The following GPC6 variants were observed in gnomAD, a reference collection of about 807,000 sequenced individuals.
GPC6 encodes glypican 6, also known as glypican-6.
A neutral mutation model predicts 55.2 loss-of-function variants in GPC6; 14 were observed. The ratio of observed to expected loss-of-function variants is 0.25; its 90% CI spans 0.17 to 0.40. GPC6 has a LOEUF of 0.40. Among genes scored for constraint, GPC6 ranks in the 10% least tolerant of loss-of-function variants. The probability of loss-of-function intolerance (pLI) is 1.00; values close to 1 mark genes in which losing one functional copy is unlikely to be tolerated. For synonymous variants in GPC6, 278 were observed against 259.6 expected, an observed-to-expected ratio of 1.07 and a Z score of -0.68; for missense variants, 641 against 708.5, an observed-to-expected ratio of 0.90 and a Z score of 1.08.
intron 2 of GPC6, among the ~76,000 whole-genome samples, chr13:93,790,586 C>A (rs1885999809): frequency 6.6e-6 from 1 of 152,072 alleles, no homozygotes; most frequent in African/African-American, 2.4e-5. Context: ...ATAGATGATA[C>A]CATACCTCCA....
At chr13:93,660,462 G>A (rs367983917) in intron 2 of GPC6, among the ~76,000 whole-genome samples, 1 of 152,220 alleles carries the variant, frequency 6.6e-6, no homozygotes, top group South Asian at 2.1e-4. Flanking sequence ...TCTGAATGTA[G>A]TAAAACCTGA....
In GPC6 at chr13:94,114,056, T is replaced by G. The variant is rs151097232; in HGVS notation, c.877+86162T>G. 3.1e-3 allele frequency among the ~76,000 whole-genome samples: 338 copies of G among 107,356 alleles called. 7 individuals carry two copies. The highest frequency in any genetic ancestry group is 0.012 in the African/African-American group (329 of 27,834). The allele number at this position is 107,356 out of a possible 152,430, so 70.4% of individuals were successfully genotyped here. A position where few individuals can be genotyped will look rare whatever the true frequency, so the allele number is the denominator to read the frequency against. ...AAAAAGCCCAGTGACTATTACCCAT[T>G]CACCCATTCATAGAACTAAGGTTTT... On this transcript the variant is annotated intron_variant, in intron 4 of 8. Transcript: ENST00000377047.
chr13:93,862,417 G>A (rs1888843648), intron 3 of GPC6, among the ~76,000 whole-genome samples: 2 of 151,234 alleles, frequency 1.3e-5, no homozygotes, highest in African/African-American at 2.4e-5. Context: ...TTACATCGGG[G>A]GCTACTGGAG....
At chr13:93,445,410 T>G (rs1321684160) in intron 1 of GPC6, among the ~76,000 whole-genome samples, 1 of 152,192 alleles carries the variant, frequency 6.6e-6, no homozygotes, top group African/African-American at 2.4e-5. Flanking sequence ...TGTATTAAAC[T>G]AAATTGCAAT....
At chr13:93,268,742 C>T (rs932723434) in intron 1 of GPC6, among the ~76,000 whole-genome samples, 7 of 152,086 alleles carry the variant, frequency 4.6e-5, no homozygotes. Context: ...TTCAGAATGT[C>T]ATTCCCCTGG....
intron 6 of GPC6, among the ~76,000 whole-genome samples, chr13:94,379,039 T>G (rs1028435023): frequency 1.3e-5 from 2 of 152,014 alleles, no homozygotes; most frequent in African/African-American, 4.8e-5. Flanking sequence ...TGTGTGCACT[T>G]AAGTTTCCAG....
chr13:94,313,868 A>C, intron 6 of GPC6, among the ~76,000 whole-genome samples: 1 of 152,224 alleles, frequency 6.6e-6, no homozygotes, highest in East Asian at 1.9e-4. Context: ...TAGGGCTATT[A>C]GAGATTTTAT....
chr13:93,681,299 C>T, intron 2 of GPC6, among the ~76,000 whole-genome samples: 1 of 152,068 alleles, frequency 6.6e-6, no homozygotes, highest in East Asian at 1.9e-4. Flanking sequence ...TGATATTTGA[C>T]AACTTACAGA....
chr13:93,933,893 A>G (rs186984846), intron 3 of GPC6, among the ~76,000 whole-genome samples: 17 of 152,344 alleles, frequency 1.1e-4, no homozygotes, highest in African/African-American at 2.4e-5. Context: ...AGCCCCTTCC[A>G]TGGAGTCTGT....
chr13:93,939,595 A>G (rs1417273461), intron 3 of GPC6, among the ~76,000 whole-genome samples: 1 of 152,006 alleles, frequency 6.6e-6, no homozygotes, highest in Non-Finnish European at 1.5e-5. Flanking sequence ...GAAATGACAG[A>G]TGAGCCACAG....
At chr13:93,955,907 C>T (rs1209433479) in intron 3 of GPC6, among the ~76,000 whole-genome samples, 1 of 152,050 alleles carries the variant, frequency 6.6e-6, no homozygotes, top group African/African-American at 2.4e-5. Flanking sequence ...ATTTTCTCTT[C>T]CCCCTCTTTT....
At chr13:94,312,735 C>CACACACACAT (rs757317085) in intron 6 of GPC6, among the ~76,000 whole-genome samples, 2,750 of 140,636 alleles carry the variant, frequency 0.02, 86 homozygotes, top group African/African-American at 0.076. Context: ...CACACACACA[C>CACACACACAT]ACACACATGC....
At chr13:94,216,094 G>A (rs1328782139) in intron 4 of GPC6, among the ~76,000 whole-genome samples, 3 of 152,162 alleles carry the variant, frequency 2.0e-5, no homozygotes, top group Admixed American at 6.5e-5. Context: ...CTTAATGCTT[G>A]TTAAAGTCAC....
intron 2 of GPC6, among the ~76,000 whole-genome samples, chr13:93,564,702 T>C (rs1286092015): frequency 6.6e-6 from 1 of 152,166 alleles, no homozygotes; most frequent in Non-Finnish European, 1.5e-5. Context: ...ATGAAGTGAA[T>C]GACTGTGACA....
At chr13:94,357,412 G>A (rs1166147800) in intron 6 of GPC6, among the ~76,000 whole-genome samples, 1 of 152,096 alleles carries the variant, frequency 6.6e-6, no homozygotes, top group Non-Finnish European at 1.5e-5. Context: ...GCAGACCCAG[G>A]ACCCCTACTC....
At chr13:93,852,279 T>C (rs1299049434) in intron 3 of GPC6, among the ~76,000 whole-genome samples, 1 of 151,734 alleles carries the variant, frequency 6.6e-6, no homozygotes, top group Non-Finnish European at 1.5e-5. Context: ...ATATGCACAA[T>C]GCCTTTTGGA....
At chr13:93,739,720 T>C (rs1407922059) in intron 2 of GPC6, among the ~76,000 whole-genome samples, 1 of 152,178 alleles carries the variant, frequency 6.6e-6, no homozygotes, top group Non-Finnish European at 1.5e-5. Context: ...TGAACCACCA[T>C]GCCCAGCCTT....
At chr13:94,137,539 C>T (rs1340908071) in intron 4 of GPC6, among the ~76,000 whole-genome samples, 2 of 152,086 alleles carry the variant, frequency 1.3e-5, no homozygotes, top group Non-Finnish European at 2.9e-5. Flanking sequence ...ACTTTCCAGG[C>T]AGAGACAAGG....
intron 4 of GPC6, among the ~76,000 whole-genome samples, chr13:94,120,465 G>A (rs1886589778): frequency 6.6e-6 from 1 of 151,704 alleles, no homozygotes; most frequent in Non-Finnish European, 1.5e-5. Context: ...TAATGTTTCT[G>A]AAATCAGGAT....
Sources: gnomAD v4.1 joint callset for allele counts (sites outside exome capture counted in the v4.1 genomes callset) on GRCh38, gnomAD v4.1.1 for gene constraint, MANE v1.5 for transcripts, NCBI Gene and HGNC (gene_info 2026-07-23, HGNC 2026-07-21) for gene names.